The following BNIP2 variants were observed in gnomAD, a reference collection of about 807,000 sequenced individuals.
The protein encoded by BNIP2 is BCL2 interacting protein 2.
In BNIP2, 36 loss-of-function variants were observed where a neutral mutation model predicts 43.4. The ratio of observed to expected loss-of-function variants is 0.83; its 90% CI spans 0.64 to 1.10. The LOEUF is 1.10. Among genes scored for constraint, BNIP2 ranks in the 50% least tolerant of loss-of-function variants. The pLI, the probability that BNIP2 is intolerant of heterozygous loss-of-function variation, is 0.00. For synonymous variants in BNIP2, 146 were observed against 121.0 expected (o/e 1.21, Z -1.35); for missense variants, 417 against 374.1 (o/e 1.11, Z -0.95).
chr15:59,678,244 T>C (rs1466641453), intron 4 of BNIP2, 157 bp from the exon 5 acceptor site: 6 of 1,374,604 alleles, frequency 4.4e-6, no homozygotes, highest in Non-Finnish European at 4.7e-6. Context: ...AGGCTTATTC[T>C]TAACATGAGG....
chr15:59,675,782 A>C (rs1380906148), intron 5 of BNIP2, among the ~76,000 whole-genome samples: 2 of 152,250 alleles, frequency 1.3e-5, no homozygotes, highest in Non-Finnish European at 2.9e-5. Flanking sequence ...ACTACTCAGC[A>C]ATAAGAAGGA....
At chr15:59,689,056 C>G in intron 1 of BNIP2, 79 bp downstream of exon 1, 1 of 1,467,556 alleles carries the variant, frequency 6.8e-7, no homozygotes, top group Non-Finnish European at 9.0e-7. Context: ...GGGCACGCGC[C>G]CGACAGACTT....
At chr15:59,676,240 G>A (rs552013597) in intron 5 of BNIP2, among the ~76,000 whole-genome samples, 9 of 152,234 alleles carry the variant, frequency 5.9e-5, no homozygotes, top group Non-Finnish European at 1.2e-4. Flanking sequence ...GGATGATCAC[G>A]GCCACTGAAG....
At chr15:59,671,351 A>G in intron 6 of BNIP2, 37 bp from the exon 7 acceptor site, 1 of 1,530,792 alleles carries the variant, frequency 6.5e-7, no homozygotes, top group East Asian at 2.4e-5. Flanking sequence ...CTTAAAAATC[A>G]CTGTGCATAA....
intron 1 of BNIP2, among the ~76,000 whole-genome samples, chr15:59,686,495 C>T (rs532189227): frequency 3.3e-5 from 5 of 152,264 alleles, no homozygotes; most frequent in African/African-American, 1.2e-4. Context: ...CAGTAATGAC[C>T]GTTTATGCGG....
rs776205560 is a variant in BNIP2, at chr15:59,689,269, C to G, written c.-192G>C. The G allele has an allele frequency of 1.6e-5, 24 of 1,545,030 alleles. No homozygotes were observed. In the East Asian group the frequency reaches 5.6e-4, roughly 36 times the overall value. ...TCGGCGGTGGAGACCCCGGCCCAATCCCCCGGCCGCAGCGGTACGGCGTCG... is the reference window on the plus strand; with the variant it reads ...TCGGCGGTGGAGACCCCGGCCCAATGCCCCGGCCGCAGCGGTACGGCGTCG... On this transcript the variant is annotated 5_prime_UTR_variant, in exon 1 of 10. Transcript: ENST00000607373.
Position 59,684,369 on chromosome 15 carries a change from T to G in BNIP2, c.-57-1855A>C, listed in dbSNP as rs561863164. 3.3e-5 allele frequency among the ~76,000 whole-genome samples: 5 copies of G among 152,366 alleles called. No homozygotes were observed. The South Asian group carries it at 1.0e-3, about 32-fold the overall frequency. The stretch of plus-strand genomic sequence containing the variant: ...AATGATCTAGGCAGTTTTTATAAGT[T>G]AATGAAAAACATTTAAAATAATCTT... On this transcript the variant is annotated intron_variant, in intron 1 of 9. Transcript: ENST00000607373.
At chr15:59,682,326 CAAA>C (rs745470499) in intron 2 of BNIP2, 79 bp downstream of exon 2, 148 of 1,045,350 alleles carry the variant, frequency 1.4e-4, no homozygotes, top group Admixed American at 1.5e-4. Context: ...GACTCCGTCT[CAAA>C]AAAAAAAAAA....
At chr15:59,668,498 A>G (rs1211721235) in intron 9 of BNIP2, among the ~76,000 whole-genome samples, 1 of 152,206 alleles carries the variant, frequency 6.6e-6, no homozygotes, top group African/African-American at 2.4e-5. Context: ...ATTTTTATTT[A>G]TTTAGCAATA....
chr15:59,683,254 A>G (rs1429169438), intron 1 of BNIP2, among the ~76,000 whole-genome samples: 1 of 152,238 alleles, frequency 6.6e-6, no homozygotes, highest in Non-Finnish European at 1.5e-5. Context: ...AAAGTAAGAA[A>G]TCTAGAGATA....
chr15:59,666,867 C>A (rs1332484095), intron 9 of BNIP2, among the ~76,000 whole-genome samples: 1 of 151,136 alleles, frequency 6.6e-6, no homozygotes, highest in Non-Finnish European at 1.5e-5. Context: ...AGGTTTCAAA[C>A]AATATATTTA....
chr15:59,680,154 G>GTTTTT, intron 3 of BNIP2, 87 bp downstream of exon 3: 14 of 818,072 alleles, frequency 1.7e-5, no homozygotes, highest in South Asian at 5.8e-5. Flanking sequence ...AAAAACTCAA[G>GTTTTT]TTTTTTTTTT....
At chr15:59,684,910 C>G (rs1181523657) in intron 1 of BNIP2, among the ~76,000 whole-genome samples, 1 of 152,122 alleles carries the variant, frequency 6.6e-6, no homozygotes, top group Non-Finnish European at 1.5e-5. Context: ...CATAACAGGC[C>G]TATAAAAATT....
At chr15:59,680,110 T>C (rs1893566285) in intron 3 of BNIP2, 131 bp downstream of exon 3, 2 of 773,028 alleles carry the variant, frequency 2.6e-6, no homozygotes, top group Admixed American at 3.4e-5. Context: ...CTTTCCTCAA[T>C]GTTCAACTTA....
intron 1 of BNIP2, among the ~76,000 whole-genome samples, chr15:59,684,814 A>T (rs770184183): frequency 3.3e-5 from 5 of 152,240 alleles, no homozygotes; most frequent in Non-Finnish European, 4.4e-5. Flanking sequence ...TCAAATACTC[A>T]GAAAAATATT....
intron 9 of BNIP2, among the ~76,000 whole-genome samples, chr15:59,667,590 G>T (rs747957337): frequency 3.0e-4 from 45 of 152,320 alleles, no homozygotes; most frequent in Admixed American, 8.5e-4. Context: ...TTTATCACAT[G>T]TAGAATTTGA....
At chr15:59,682,175 A>C (rs1294337299) in intron 2 of BNIP2, among the ~76,000 whole-genome samples, 8 of 152,054 alleles carry the variant, frequency 5.3e-5, no homozygotes. Flanking sequence ...AAAAATACAA[A>C]AATTAGCCAG....
chr15:59,668,999 G>A lies in BNIP2; in HGVS notation c.795-9C>T. On this transcript the variant is annotated splice_polypyrimidine_tract_variant and intron_variant, in intron 8 of 9. Transcript: ENST00000607373. ...TTTGGCTGAATTTCGAGCTATGGAA[G>A]AAAATAAAAATAATTACTTCCATAT... The A allele has an allele frequency of 1.2e-6, 2 of 1,604,754 alleles. No homozygotes were observed. The highest frequency in any genetic ancestry group is 1.7e-6 in the Non-Finnish European group (2 of 1,172,812).
intron 1 of BNIP2, 165 bp downstream of exon 1, chr15:59,688,970 G>A (rs1417824771): frequency 6.9e-7 from 1 of 1,441,378 alleles, no homozygotes. Context: ...GGGGATCCAG[G>A]AAGCACCTCC....
Sources: allele counts gnomAD v4.1 joint callset (sites outside exome capture counted in the v4.1 genomes callset), GRCh38; gene constraint gnomAD v4.1.1; transcripts MANE v1.5; gene names NCBI Gene and HGNC (gene_info 2026-07-23, HGNC 2026-07-21).